The following SLC19A3 variants were observed in gnomAD, a reference collection of about 807,000 sequenced individuals.
SLC19A3 encodes thiamine transporter 2.
In SLC19A3, 31 loss-of-function variants were observed where a neutral mutation model predicts 40.2. The ratio of observed to expected loss-of-function variants is 0.77; its 90% confidence interval spans 0.58 to 1.04. The LOEUF is 1.04. SLC19A3 is among the 50% of genes least tolerant of loss of function. The pLI is 0.00. For missense variants in SLC19A3, 592 were observed against 596.7 expected, an observed-to-expected ratio of 0.99 and a Z score of 0.08; for synonymous variants, 212 against 227.5, an observed-to-expected ratio of 0.93 and a Z score of 0.61.
At chr2:227,692,225 C>T (rs924054152) in intron 4 of SLC19A3, among the ~76,000 whole-genome samples, 3 of 152,152 alleles carry the variant, frequency 2.0e-5, no homozygotes, top group African/African-American at 7.2e-5. Context: ...CAGTGTTACC[C>T]TAACACCAAA....
chr2:227,691,595 T>C (rs1695231608), intron 4 of SLC19A3, among the ~76,000 whole-genome samples: 2 of 151,862 alleles, frequency 1.3e-5, no homozygotes, highest in South Asian at 2.1e-4. Flanking sequence ...CTGGAGAACA[T>C]AGTAAGACCC....
In SLC19A3 at chr2:227,685,293, A is replaced by G. The variant is rs1055957; in HGVS notation, c.*2104T>C. On this transcript the variant is annotated 3_prime_UTR_variant, in exon 6 of 6. Coordinates refer to ENST00000644224, the MANE Select transcript of SLC19A3 (RefSeq NM_025243.4). ...TCTGCTTCTAGGGAGTCCTCGGGGA[A>G]TTTTTACTCATGGCAGAAGGCAAAG... is the stretch of plus-strand genomic sequence containing the variant. 4,967 of 152,338 alleles carry G rather than the reference A, an allele frequency of 0.033. 289 individuals carry two copies. Among genetic ancestry groups the G allele is most frequent in the African/African-American group, 0.11 (4,687 of 41,508 alleles). The allele number at this position is 152,338 out of a possible 1,614,324, so 9.4% of individuals were successfully genotyped here.
intron 3 of SLC19A3, 79 bp downstream of exon 3, chr2:227,698,657 T>A: frequency 8.0e-7 from 1 of 1,243,180 alleles, no homozygotes; most frequent in Non-Finnish European, 1.2e-6. Context: ...GCTAATTCGC[T>A]GCCATGAAGT....
At position 227,716,834 on chromosome 2, in the gene SLC19A3, T is replaced by A. The variant is rs756028159; in HGVS notation, c.-3+1109A>T. ...AGCAATAATGACTGAAGGAAATTGG[T>A]ATTTTTGTCCATTTCAGCTACTACT... On this transcript the variant is annotated intron_variant, in intron 1 of 5. Transcript: ENST00000644224. Among the ~76,000 whole-genome samples the A allele has an allele frequency of 4.1e-4, 62 of 152,054 alleles. 1 individual carries two copies. Among genetic ancestry groups the A allele is most frequent in the Non-Finnish European group, 7.4e-4 (50 of 68,026 alleles).
chr2:227,702,017 G>C (rs1695714039), intron 2 of SLC19A3, 152 bp downstream of exon 2: 1 of 678,858 alleles, frequency 1.5e-6, no homozygotes, highest in African/African-American at 1.8e-5. Context: ...GAAATAGTTT[G>C]AAAAGTTCTA....
intron 4 of SLC19A3, among the ~76,000 whole-genome samples, chr2:227,693,062 G>A (rs1695291708): frequency 6.6e-6 from 1 of 151,994 alleles, no homozygotes; most frequent in South Asian, 2.1e-4. Context: ...CACACAAAAT[G>A]GAATGATATT....
chr2:227,696,961 A>G (rs1330131591), intron 3 of SLC19A3, among the ~76,000 whole-genome samples: 2 of 152,154 alleles, frequency 1.3e-5, no homozygotes, highest in African/African-American at 4.8e-5. Context: ...GCTACTCAGG[A>G]GGCTGAGGCA....
intron 3 of SLC19A3, 147 bp downstream of exon 3, chr2:227,698,589 A>G: frequency 2.6e-6 from 2 of 778,314 alleles, no homozygotes; most frequent in East Asian, 2.6e-5. Context: ...ATAAGCCACC[A>G]TGCCCGGCCG....
At chr2:227,701,015 C>T in intron 2 of SLC19A3, 1 of 1,304,266 alleles carries the variant, frequency 7.7e-7, no homozygotes, top group African/African-American at 1.5e-5. Context: ...TTAACTGGTC[C>T]ACAGTGGCTC....
chr2:227,696,773 A>G (rs1695453718), intron 3 of SLC19A3, among the ~76,000 whole-genome samples: 1 of 152,190 alleles, frequency 6.6e-6, no homozygotes, highest in Admixed American at 6.5e-5. Context: ...ACAAAGGTAA[A>G]AGGTATTTAG....
At chr2:227,712,645 T>C (rs11687523) in intron 1 of SLC19A3, among the ~76,000 whole-genome samples, 148,093 of 152,322 alleles carry the variant, frequency 0.97, 72,132 homozygotes, top group East Asian at 1. Flanking sequence ...TTCATATATT[T>C]ATATTTGTGA....
In SLC19A3 at chr2:227,701,119, C is replaced by T. The variant is rs1349812738; in HGVS notation, c.150+1050G>A. 2.0e-5 allele frequency: 26 copies of T among 1,279,058 alleles called. No individual in the cohort carries two copies. In the East Asian group the frequency reaches 2.2e-4, roughly 11 times the overall value. 79.2% of individuals were successfully genotyped at this position (1,279,058 alleles called of 1,614,324 possible). On this transcript the variant is annotated intron_variant, in intron 2 of 5. Coordinates refer to ENST00000644224, the MANE Select transcript of SLC19A3 (RefSeq NM_025243.4). The stretch of plus-strand genomic sequence containing the variant: ...GTGGCATGCTTCAACCTGAGCAACT[C>T]GGAAACAGGGTTGTCCCTAAGTGAT...
At position 227,717,825 on chromosome 2, in the gene SLC19A3, C is replaced by T. The variant is rs980959386; in HGVS notation, c.-3+118G>A. The T allele has an allele frequency of 1.5e-5, 12 of 797,544 alleles. No homozygotes were observed. In the African/African-American group the frequency reaches 2.1e-4, roughly 14 times the overall value. The allele number at this position is 797,544 out of a possible 1,614,324, so 49.4% of individuals were successfully genotyped here. On this transcript the variant is annotated intron_variant, in intron 1 of 5. Transcript: ENST00000644224. ...CACGCGGCTCAGAGTGTAGCCCAGG[C>T]CCGCAGAGCCAGGAACCCGCCCCCA... is the stretch of plus-strand genomic sequence containing the variant.
intron 2 of SLC19A3, chr2:227,701,720 C>G (rs1574564594): frequency 6.4e-6 from 1 of 155,464 alleles, no homozygotes; most frequent in African/African-American, 2.4e-5. Context: ...GAGAAGGAGG[C>G]AAGGGCTGGG....
intron 1 of SLC19A3, among the ~76,000 whole-genome samples, chr2:227,706,937 G>A (rs942202769): frequency 6.0e-4 from 92 of 152,296 alleles, no homozygotes; most frequent in African/African-American, 2.2e-3. Flanking sequence ...CCTTACCTTG[G>A]TGGACTTGGA....
intron 1 of SLC19A3, among the ~76,000 whole-genome samples, chr2:227,715,026 G>A (rs1234342114): frequency 6.6e-6 from 1 of 151,810 alleles, no homozygotes; most frequent in African/African-American, 2.4e-5. Context: ...TGCCTTGTTG[G>A]TCAGGCTGGT....
chr2:227,699,396 G>T lies in SLC19A3; in HGVS notation c.319C>A (p.Gln107Lys), dbSNP rs745538722. The change falls in exon 3 of 6, where the codon CAG (glutamine) becomes AAG (lysine). Residue 107 changes from glutamine to lysine, a missense_variant. Gln to Lys is a moderately conservative substitution (Grantham distance 53, BLOSUM62 1). Coordinates refer to ENST00000644224, the MANE Select transcript of SLC19A3 (RefSeq NM_025243.4). ...ATCCCATAGAAGAACTCTACAACCT[G>T]CATGGTCTTCACTCCTTGGCCAAAC... ...LLFGQGVKTM[Q>K]VVEFFYGMVT... The T allele has an allele frequency of 1.2e-6, 2 of 1,614,138 alleles. No homozygotes were observed. The highest frequency in any genetic ancestry group is 1.7e-6 in the Non-Finnish European group (2 of 1,180,030).
intron 1 of SLC19A3, among the ~76,000 whole-genome samples, chr2:227,715,971 A>AC (rs1271231744): frequency 6.6e-6 from 1 of 151,792 alleles, no homozygotes; most frequent in East Asian, 1.9e-4. Flanking sequence ...AAAAAAAAAA[A>AC]AAAATTTCAA....
chr2:227,712,398 T>C (rs185094629), intron 1 of SLC19A3, among the ~76,000 whole-genome samples: 192 of 152,260 alleles, frequency 1.3e-3, no homozygotes, highest in African/African-American at 4.5e-3. Context: ...GAACAAAAGA[T>C]TTAAATACTT....
Sources: gnomAD v4.1 joint callset for allele counts (sites outside exome capture counted in the v4.1 genomes callset) on GRCh38, gnomAD v4.1.1 for gene constraint, MANE v1.5 for transcripts, NCBI Gene and HGNC (gene_info 2026-07-23, HGNC 2026-07-21) for gene names.